The following NARS2 variants were observed in gnomAD, a reference collection of about 807,000 sequenced individuals.
The protein encoded by NARS2 is asparaginyl-tRNA synthetase.
In NARS2, 60 loss-of-function variants were observed where a neutral mutation model predicts 62.9. The observed-to-expected ratio is 0.95, with a 90% CI of 0.77 to 1.18. NARS2 has a LOEUF of 1.18. Ranked by LOEUF, NARS2 falls within the 50% of genes most tolerant of loss-of-function variation. NARS2 has a pLI of 0.00. For missense variants in NARS2, 619 were observed against 576.4 expected (o/e 1.07, Z -0.76); for synonymous variants, 196 against 200.0 (o/e 0.98, Z 0.17).
chr11:78,486,551 G>A (rs1859583300), intron 7 of NARS2, among the ~76,000 whole-genome samples: 1 of 152,184 alleles, frequency 6.6e-6, no homozygotes, highest in South Asian at 2.1e-4. Context: ...AACTGACATG[G>A]AGACCAATGC....
intron 6 of NARS2, among the ~76,000 whole-genome samples, chr11:78,495,208 T>C (rs1316870214): frequency 2.6e-5 from 4 of 152,162 alleles, no homozygotes; most frequent in Non-Finnish European, 5.9e-5. Context: ...TTCAACTCAG[T>C]TCTTTCCCAC....
rs199632633 is a variant in NARS2 at position 78,557,818 on chromosome 11, T to TTATA, written c.594+1717_594+1720dup. Among the ~76,000 whole-genome samples the TTATA allele has an allele frequency of 9.4e-4, 138 of 146,706 alleles. 1 individual carries two copies. The highest frequency in any genetic ancestry group is 7.1e-3 in the Middle Eastern group (2 of 280). ...GTATATATATCATATATATCTTATA[T>TTATA]TATATATATATATCTCTCTTATATT... On this transcript the variant is annotated intron_variant, in intron 5 of 13. Coordinates refer to ENST00000281038, the MANE Select transcript of NARS2 (RefSeq NM_024678.6).
chr11:78,456,739 T>C (rs1858176305), intron 11 of NARS2, among the ~76,000 whole-genome samples: 1 of 152,196 alleles, frequency 6.6e-6, no homozygotes, highest in African/African-American at 2.4e-5. Context: ...TTTTTCCTAA[T>C]TACACGTGTG....
chr11:78,528,602 T>C (rs1861376870), intron 6 of NARS2, among the ~76,000 whole-genome samples: 1 of 152,178 alleles, frequency 6.6e-6, no homozygotes. Context: ...GATTACATGT[T>C]TGGGATTCAA....
chr11:78,502,392 C>G (rs1860312931), intron 6 of NARS2, among the ~76,000 whole-genome samples: 1 of 152,152 alleles, frequency 6.6e-6, no homozygotes, highest in African/African-American at 2.4e-5. Flanking sequence ...CACAAGCACC[C>G]CTGGTATCTC....
intron 5 of NARS2, among the ~76,000 whole-genome samples, chr11:78,531,152 T>C (rs1218352154): frequency 6.6e-6 from 1 of 151,856 alleles, no homozygotes; most frequent in Non-Finnish European, 1.5e-5. Context: ...TGAACAAAAC[T>C]GTCAGAATCA....
chr11:78,505,477 T>TC (rs1255208008), intron 6 of NARS2, among the ~76,000 whole-genome samples: 1 of 151,620 alleles, frequency 6.6e-6, no homozygotes, highest in African/African-American at 2.4e-5. Context: ...AACTGATTTT[T>TC]CCCCCCAACT....
chr11:78,472,501 A>C, intron 9 of NARS2, among the ~76,000 whole-genome samples: 1 of 152,224 alleles, frequency 6.6e-6, no homozygotes, highest in Non-Finnish European at 1.5e-5. Flanking sequence ...CAGAACCATA[A>C]TAATATAAAG....
At chr11:78,560,888 T>C (rs1226628661) in intron 4 of NARS2, among the ~76,000 whole-genome samples, 2 of 152,112 alleles carry the variant, frequency 1.3e-5, no homozygotes, top group African/African-American at 4.8e-5. Flanking sequence ...ATCATGGACA[T>C]GAAACATTTC....
intron 1 of NARS2, 80 bp downstream of exon 1, chr11:78,574,268 C>A (rs1246846016): frequency 3.2e-6 from 5 of 1,578,796 alleles, no homozygotes; most frequent in African/African-American, 1.3e-5. Context: ...TCTGACCCGA[C>A]TGTAAAAGAA....
intron 6 of NARS2, among the ~76,000 whole-genome samples, chr11:78,520,956 G>A (rs2135410237): frequency 6.6e-6 from 1 of 151,640 alleles, no homozygotes; most frequent in Non-Finnish European, 1.5e-5. Flanking sequence ...TACTCGAGAG[G>A]CTGAGGCAGG....
At chr11:78,477,275 G>A (rs1225238086) in intron 9 of NARS2, among the ~76,000 whole-genome samples, 1 of 152,038 alleles carries the variant, frequency 6.6e-6, no homozygotes, top group Non-Finnish European at 1.5e-5. Flanking sequence ...CACACTTTCA[G>A]TTGCCTATCC....
intron 5 of NARS2, among the ~76,000 whole-genome samples, chr11:78,547,357 C>A (rs532521461): frequency 1.3e-5 from 2 of 152,218 alleles, no homozygotes; most frequent in African/African-American, 4.8e-5. Context: ...ATTCTCAACA[C>A]AGGACCCAAT....
At chr11:78,570,046 C>G (rs1348300177) in intron 2 of NARS2, among the ~76,000 whole-genome samples, 2 of 152,062 alleles carry the variant, frequency 1.3e-5, no homozygotes, top group Admixed American at 6.6e-5. Flanking sequence ...AAAAATTAGT[C>G]CAGTGTGGTG....
intron 7 of NARS2, among the ~76,000 whole-genome samples, chr11:78,489,901 A>T (rs576692457): frequency 1.3e-5 from 2 of 151,990 alleles, no homozygotes; most frequent in South Asian, 4.2e-4. Flanking sequence ...TAAAAAATTT[A>T]AAAAATAGCA....
intron 9 of NARS2, among the ~76,000 whole-genome samples, chr11:78,476,450 T>A (rs1178453442): frequency 6.6e-6 from 1 of 152,236 alleles, no homozygotes; most frequent in Non-Finnish European, 1.5e-5. Context: ...GTATTGTGCC[T>A]ACTTAGGGAA....
chr11:78,526,900 C>T (rs1442245384), intron 6 of NARS2, among the ~76,000 whole-genome samples: 4 of 152,140 alleles, frequency 2.6e-5, no homozygotes, highest in African/African-American at 7.2e-5. Flanking sequence ...AGGCCAAAAG[C>T]TGTAGCCTTA....
chr11:78,438,827 G>T (rs78585016), intron 13 of NARS2, among the ~76,000 whole-genome samples: 2,396 of 152,246 alleles, frequency 0.016, 62 homozygotes, highest in African/African-American at 0.055. Context: ...AACACTAGCA[G>T]ACATCACAGA....
At chr11:78,536,747 T>A (rs1855367254) in intron 5 of NARS2, among the ~76,000 whole-genome samples, 1 of 152,110 alleles carries the variant, frequency 6.6e-6, no homozygotes, top group Admixed American at 6.6e-5. Context: ...AAAAATAAAT[T>A]TAGTGTAGCT....
Sources: gnomAD v4.1 joint callset for allele counts (sites outside exome capture counted in the v4.1 genomes callset) on GRCh38, gnomAD v4.1.1 for gene constraint, MANE v1.5 for transcripts, NCBI Gene and HGNC (gene_info 2026-07-23, HGNC 2026-07-21) for gene names.